The following SOX15 variants were observed in gnomAD, a reference collection of about 807,000 sequenced individuals.
SOX15 encodes SRY-box transcription factor 15, also known as transcription factor SOX-15.
SOX15 carries 12 observed loss-of-function variants against 15.9 expected under a neutral mutation model. The ratio of observed to expected loss-of-function variants is 0.75; its 90% confidence interval spans 0.48 to 1.22. The LOEUF is 1.22. SOX15 is among the 50% of genes most tolerant of loss of function. SOX15 has a pLI of 0.00. For synonymous variants in SOX15, 149 were observed against 142.8 expected (o/e 1.04, Z -0.31); for missense variants, 309 against 313.9 (o/e 0.98, Z 0.12).
In SOX15 at chr17:7,588,972, G is replaced by C. The variant is rs1457979091; in HGVS notation, c.533+172C>G. ...TGGAAACGCCCTCTGGGAGAACCCT[G>C]ATCCGCCCCACCCTACACAGGCCCC... On this transcript the variant is annotated intron_variant, in intron 1 of 1. Transcript: ENST00000250055. 4.8e-6 allele frequency: 3 copies of C among 626,506 alleles called. No individual in the cohort carries two copies. In the African/African-American group the frequency reaches 5.5e-5, roughly 12 times the overall value. 38.8% of individuals were successfully genotyped at this position (626,506 alleles called of 1,614,324 possible).
At position 7,589,479 on chromosome 17, in the gene SOX15, C is replaced by G. The variant is rs775812019; in HGVS notation, c.198G>C (p.Gln66His). 5 of 1,613,694 alleles carry G rather than the reference C, an allele frequency of 3.1e-6. No homozygotes were observed. Among genetic ancestry groups the G allele is most frequent in the Non-Finnish European group, 4.2e-6 (5 of 1,179,860 alleles). Reference sequence around the variant, plus strand: ...GCATCTTGGGGTTCTGCTGCGCCATCTGGCGGCGCTGAGCGGAGCTCCACA... The same window carrying G: ...GCATCTTGGGGTTCTGCTGCGCCATGTGGCGGCGCTGAGCGGAGCTCCACA... The part of the protein sequence containing the change: ...FMVWSSAQRR[Q>H]MAQQNPKMHN... The change falls in exon 1 of 2, where the codon CAG becomes CAC. Residue 66 changes from glutamine (Q) to histidine (H), a missense_variant. Physicochemically the swap from Gln to His is conservative, Grantham distance 24. Transcript: ENST00000250055.
Position 7,588,428 on chromosome 17 carries a change from G to C in SOX15, c.652C>G (p.Pro218Ala). 1 of 1,613,840 alleles carries C rather than the reference G, an allele frequency of 6.2e-7. No homozygotes were observed. Among genetic ancestry groups the C allele is most frequent in the African/African-American group, 1.3e-5 (1 of 75,036 alleles). ...GCACCAGCAAGGGGAGGGTTGTATG[G>C]AGTGGGAGAGCCAGGGGGCAGGTAG... Reference protein sequence around the residue: ...THYLPPGSPTPYNPPLAGAPM... With the variant: ...THYLPPGSPTAYNPPLAGAPM... The change falls in exon 2 of 2, where the codon CCA becomes GCA. Residue 218 changes from proline (P) to alanine (A), a missense_variant. Pro to Ala is a conservative substitution (Grantham distance 27). Coordinates refer to ENST00000250055, the MANE Select transcript of SOX15 (RefSeq NM_006942.2).
intron 1 of SOX15, 152 bp downstream of exon 1, chr17:7,588,992 G>A (rs1232822332): frequency 6.0e-6 from 4 of 671,320 alleles, no homozygotes; most frequent in Non-Finnish European, 4.9e-6. Context: ...ACCCTACACA[G>A]GCCCCGGAGG....
chr17:7,589,478 T>C lies in SOX15; in HGVS notation c.199A>G (p.Met67Val), dbSNP rs1460926529. 2.5e-6 allele frequency: 4 copies of C among 1,613,700 alleles called. No individual in the cohort carries two copies. Among genetic ancestry groups the C allele is most frequent in the Admixed American group, 1.7e-5 (1 of 60,014 alleles). The part of the protein sequence containing the change: ...MVWSSAQRRQ[M>V]AQQNPKMHNS... ...TGCATCTTGGGGTTCTGCTGCGCCA[T>C]CTGGCGGCGCTGAGCGGAGCTCCAC... Residue 67 changes from methionine to valine, a missense_variant, in exon 1 of 2, where the codon ATG becomes GTG. Coordinates refer to ENST00000250055, the MANE Select transcript of SOX15 (RefSeq NM_006942.2).
rs201988592 is a variant in SOX15, at chr17:7,588,366, C to T, written c.*12G>A. ...GATGAGGCCCGTCCCGTGAGGTCTGCGTCCATGAGGGTTAGAGGTGGGTTA... is the reference window on the plus strand; with the variant it reads ...GATGAGGCCCGTCCCGTGAGGTCTGTGTCCATGAGGGTTAGAGGTGGGTTA... On this transcript the variant is annotated 3_prime_UTR_variant, in exon 2 of 2. Transcript: ENST00000250055. 325 of 1,612,282 alleles carry T rather than the reference C, an allele frequency of 2.0e-4. 1 individual carries two copies. In the African/African-American group the frequency reaches 3.4e-3, roughly 17 times the overall value.
intron 1 of SOX15, 126 bp downstream of exon 1, chr17:7,589,018 C>T (rs2071628216): frequency 1.1e-6 from 1 of 887,494 alleles, no homozygotes; most frequent in Non-Finnish European, 1.7e-6. Flanking sequence ...GGCCTGCGCC[C>T]GCCACACCTT....
In SOX15 at chr17:7,589,512, C is replaced by A. The variant is rs1455323502; in HGVS notation, c.165G>T (p.Ala55=). 6.2e-7 allele frequency: 1 copy of A among 1,612,432 alleles called. No homozygotes were observed. Among genetic ancestry groups the A allele is most frequent in the Non-Finnish European group, 8.5e-7 (1 of 1,179,520 alleles). ...PLEKVKRPMN[A]FMVWSSAQRR... ...GCTGAGCGGAGCTCCACACCATGAA[C>A]GCGTTCATCGGCCGCTTCACCTTCT... The change falls in exon 1 of 2, where the codon GCG becomes GCT. Residue 55 remains alanine (A), a synonymous_variant. Coordinates refer to ENST00000250055, the MANE Select transcript of SOX15 (RefSeq NM_006942.2).
chr17:7,589,602 T>A lies in SOX15; in HGVS notation c.75A>T (p.Ser25=), dbSNP rs1567745908. ...CCTCCCGCTCCTGGGGTCCCGAAGA[T>A]GAGGAGGCAGCAGCCGTGGCAGCCG... ...EPPAATAAAS[S]SSGPQEREGA... is the part of the protein sequence containing the mutation. Residue 25 remains serine, a synonymous_variant, in exon 1 of 2, where the codon TCA becomes TCT. Coordinates refer to ENST00000250055, the MANE Select transcript of SOX15 (RefSeq NM_006942.2). 4 of 1,564,702 alleles carry A rather than the reference T, an allele frequency of 2.6e-6. No individual in the cohort carries two copies. In the South Asian group the frequency reaches 4.6e-5, roughly 18 times the overall value.
rs1158067200 is a variant in SOX15 at position 7,589,666 on chromosome 17, G to C, written c.11C>G (p.Pro4Arg). MAL[P>R]GSSQDQAWSL... is the part of the protein sequence containing the mutation. The stretch of plus-strand genomic sequence containing the variant: ...CCAGGCCTGGTCCTGTGAGGAGCCT[G>C]GTAGCGCCATGGGTTGGGAGAAGCC... Residue 4 changes from proline (P) to arginine (R), a missense_variant, in exon 1 of 2, where the codon CCA (proline) becomes CGA (arginine). By Grantham distance (103) the Pro-to-Arg change is moderately radical. Coordinates refer to ENST00000250055, the MANE Select transcript of SOX15 (RefSeq NM_006942.2). 1 of 1,540,616 alleles carries C rather than the reference G, an allele frequency of 6.5e-7. No homozygotes were observed. The highest frequency in any genetic ancestry group is 8.7e-7 in the Non-Finnish European group (1 of 1,147,004).
At position 7,588,308 on chromosome 17, in the gene SOX15, G is replaced by C; in HGVS notation, c.*70C>G. On this transcript the variant is annotated 3_prime_UTR_variant, in exon 2 of 2. Coordinates refer to ENST00000250055, the MANE Select transcript of SOX15 (RefSeq NM_006942.2). ...CAACAGGAGAAAGGGTTGACAGCCT[G>C]GGGTAGGGGATGCTGCTGGATTAAA... 6.8e-7 allele frequency: 1 copy of C among 1,476,838 alleles called. No individual in the cohort carries two copies. The highest frequency in any genetic ancestry group is 9.5e-7 in the Non-Finnish European group (1 of 1,054,760). 91.5% of individuals were successfully genotyped at this position (1,476,838 alleles called of 1,614,324 possible).
Position 7,589,392 on chromosome 17 carries a change from C to T in SOX15, c.285G>A (p.Lys95=). The change falls in exon 1 of 2, where the codon AAG becomes AAA. Residue 95 remains lysine (K), a synonymous_variant. Transcript: ENST00000250055. The part of the protein sequence containing the change: ...AQWKLLDEDE[K]RPFVEEAKRL... Reference sequence around the variant, plus strand: ...GCTTGGCCTCCTCCACGAAGGGCCGCTTCTCGTCCTCGTCCAGCAGCTTCC... The same window carrying T: ...GCTTGGCCTCCTCCACGAAGGGCCGTTTCTCGTCCTCGTCCAGCAGCTTCC... 1 of 1,613,100 alleles carries T rather than the reference C, an allele frequency of 6.2e-7. No individual in the cohort carries two copies. The highest frequency in any genetic ancestry group is 8.5e-7 in the Non-Finnish European group (1 of 1,179,610).
At position 7,589,225 on chromosome 17, in the gene SOX15, C is replaced by T; in HGVS notation, c.452G>A (p.Gly151Glu). 1 of 1,544,390 alleles carries T rather than the reference C, an allele frequency of 6.5e-7. No homozygotes were observed. ...LASGGPLWGP[G>E]YATTQPSRGF... Reference sequence around the variant, plus strand: ...TCTGCTCGGTTGGGTGGTCGCGTACCCCGGCCCCCAGAGCGGGCCGCCGCT... The same window carrying T: ...TCTGCTCGGTTGGGTGGTCGCGTACTCCGGCCCCCAGAGCGGGCCGCCGCT... The change falls in exon 1 of 2, where the codon GGG becomes GAG. Residue 151 changes from glycine to glutamate, a missense_variant. Gly to Glu is a moderately conservative substitution (Grantham distance 98). Coordinates refer to ENST00000250055, the MANE Select transcript of SOX15 (RefSeq NM_006942.2).
Position 7,590,044 on chromosome 17 carries a change from G to A in SOX15, c.-368C>T, listed in dbSNP as rs535606414. ...TGTGGTCTCCGGAGTTCCGACAGCTGCCAGGCGCGGATAGGCCAGACCTCT... is the reference window on the plus strand; with the variant it reads ...TGTGGTCTCCGGAGTTCCGACAGCTACCAGGCGCGGATAGGCCAGACCTCT... On this transcript the variant is annotated 5_prime_UTR_variant, in exon 1 of 2. Transcript: ENST00000250055. 2 of 242,214 alleles carry A rather than the reference G, an allele frequency of 8.3e-6. No individual in the cohort carries two copies. The highest frequency in any genetic ancestry group is 2.2e-4 in the East Asian group (2 of 9,302). The allele number at this position is 242,214 out of a possible 1,614,324, so 15.0% of individuals were successfully genotyped here. A position where few individuals can be genotyped will look rare whatever the true frequency, so the allele number is the denominator to read the frequency against.
chr17:7,589,554 G>T lies in SOX15; in HGVS notation c.123C>A (p.Pro41=), dbSNP rs1022885686. The T allele has an allele frequency of 1.9e-6, 3 of 1,598,658 alleles. No homozygotes were observed. The highest frequency in any genetic ancestry group is 2.3e-5 in the East Asian group (1 of 44,228). ...TCACCTTCTCCAGGGGCAGCGTCCCGGGGGCCGCGGGGCTCCCAGCGCCCT... is the reference window on the plus strand; with the variant it reads ...TCACCTTCTCCAGGGGCAGCGTCCCTGGGGCCGCGGGGCTCCCAGCGCCCT... ...EREGAGSPAA[P]GTLPLEKVKR... Residue 41 remains proline (P), a synonymous_variant, in exon 1 of 2, where the codon CCC becomes CCA. Transcript: ENST00000250055.
chr17:7,589,489 T>A lies in SOX15; in HGVS notation c.188A>T (p.Gln63Leu), dbSNP rs368191723. Reference sequence around the variant, plus strand: ...GTTCTGCTGCGCCATCTGGCGGCGCTGAGCGGAGCTCCACACCATGAACGC... The same window carrying A: ...GTTCTGCTGCGCCATCTGGCGGCGCAGAGCGGAGCTCCACACCATGAACGC... ...MNAFMVWSSA[Q>L]RRQMAQQNPK... The change falls in exon 1 of 2, where the codon CAG becomes CTG. Residue 63 changes from glutamine to leucine, a missense_variant. Coordinates refer to ENST00000250055, the MANE Select transcript of SOX15 (RefSeq NM_006942.2). The A allele has an allele frequency of 3.8e-5, 62 of 1,613,526 alleles. No homozygotes were observed. In the African/African-American group the frequency reaches 8.1e-4, roughly 21 times the overall value.
Position 7,589,746 on chromosome 17 carries a change from T to C in SOX15, c.-70A>G, listed in dbSNP as rs1322248952. On this transcript the variant is annotated 5_prime_UTR_variant, in exon 1 of 2. Transcript: ENST00000250055. Reference sequence around the variant, plus strand: ...CAACGTGAAGCGTCGATCCTGAAAATGGAAAGGTCTTCCCAGTCTGGAGTC... The same window carrying C: ...CAACGTGAAGCGTCGATCCTGAAAACGGAAAGGTCTTCCCAGTCTGGAGTC... 7.4e-7 allele frequency: 1 copy of C among 1,352,428 alleles called. No individual in the cohort carries two copies. The highest frequency in any genetic ancestry group is 2.5e-5 in the East Asian group (1 of 39,294). 83.8% of individuals were successfully genotyped at this position (1,352,428 alleles called of 1,614,324 possible).
chr17:7,588,513 C>T lies in SOX15; in HGVS notation c.567G>A (p.Pro189=), dbSNP rs371212640. Residue 189 remains proline, a synonymous_variant, in exon 2 of 2, where the codon CCG becomes CCA. Transcript: ENST00000250055. ...SSHCKLEAPS[P]CSLPQSDPRL... ...TAGGGTCACTCTGAGGGAGGGAGCA[C>T]GGTGAGGGGGCTTCCAGTTTGCAGT... The T allele has an allele frequency of 3.1e-6, 5 of 1,613,514 alleles. No homozygotes were observed. The highest frequency in any genetic ancestry group is 2.2e-5 in the South Asian group (2 of 91,040).
chr17:7,589,605 G>A lies in SOX15; in HGVS notation c.72C>T (p.Ser24=). 2 of 1,561,910 alleles carry A rather than the reference G, an allele frequency of 1.3e-6. No individual in the cohort carries two copies. Among genetic ancestry groups the A allele is most frequent in the Non-Finnish European group, 1.7e-6 (2 of 1,156,548 alleles). ...CCCGCTCCTGGGGTCCCGAAGATGAGGAGGCAGCAGCCGTGGCAGCCGGAG... is the reference window on the plus strand; with the variant it reads ...CCCGCTCCTGGGGTCCCGAAGATGAAGAGGCAGCAGCCGTGGCAGCCGGAG... ...LEPPAATAAA[S]SSSGPQEREG... is the part of the protein sequence containing the mutation. The change falls in exon 1 of 2, where the codon TCC becomes TCT. Residue 24 remains serine (S), a synonymous_variant. Transcript: ENST00000250055.
At position 7,589,568 on chromosome 17, in the gene SOX15, T is replaced by A. The variant is rs546211167; in HGVS notation, c.109A>T (p.Ser37Cys). Residue 37 changes from serine (S) to cysteine (C), a missense_variant, in exon 1 of 2, where the codon AGC becomes TGC. By Grantham distance (112) the Ser-to-Cys change is moderately radical. Transcript: ENST00000250055. ...SGPQEREGAGSPAAPGTLPLE... is the reference protein window; with the variant it reads ...SGPQEREGAGCPAAPGTLPLE... ...GGCAGCGTCCCGGGGGCCGCGGGGC[T>A]CCCAGCGCCCTCCCGCTCCTGGGGT... is the stretch of plus-strand genomic sequence containing the variant. The A allele has an allele frequency of 3.1e-6, 5 of 1,591,032 alleles. No homozygotes were observed. Among genetic ancestry groups the A allele is most frequent in the African/African-American group, 2.7e-5 (2 of 74,636 alleles).
Sources: gnomAD v4.1 joint callset for allele counts on GRCh38, gnomAD v4.1.1 for gene constraint, MANE v1.5 for transcripts, NCBI Gene and HGNC (gene_info 2026-07-23, HGNC 2026-07-21) for gene names.